WDR26: variants seen among roughly 807,000 people sequenced by gnomAD.
WDR26 encodes the protein WD repeat domain 26, also known as WD repeat-containing protein 26.
In WDR26, 5 loss-of-function variants were observed where a neutral mutation model predicts 84.1. That is an observed-to-expected ratio of 0.06 (90% CI 0.03 to 0.13). The LOEUF (loss-of-function observed/expected upper bound fraction) is 0.13. Among genes scored for constraint, WDR26 ranks in the 10% least tolerant of loss-of-function variants. WDR26 has a pLI of 1.00. For synonymous variants in WDR26, 415 were observed against 389.6 expected, an observed-to-expected ratio of 1.07 and a Z score of -0.77; for missense variants, 642 against 974.9, an observed-to-expected ratio of 0.66 and a Z score of 4.55.
chr1:224,400,921 A>G (rs766662299), intron 9 of WDR26, 29 bp downstream of exon 9: 1 of 1,605,774 alleles, frequency 6.2e-7, no homozygotes, highest in Non-Finnish European at 8.5e-7. Flanking sequence ...AAACCAACAG[A>G]TACTGGGAAG....
intron 3 of WDR26, chr1:224,430,177 A>T (rs1235935773): frequency 3.3e-5 from 5 of 152,194 alleles, no homozygotes; most frequent in Admixed American, 1.3e-4. Context: ...CCAACTGAGG[A>T]AACTTTAGTT....
intron 13 of WDR26, among the ~76,000 whole-genome samples, chr1:224,390,276 T>C (rs1673088211): frequency 5.9e-5 from 9 of 152,176 alleles, no homozygotes; most frequent in Admixed American, 5.9e-4. Flanking sequence ...CATGCCACCA[T>C]GCCTGGCTAC....
chr1:224,394,841 G>C (rs2102887619), intron 12 of WDR26, among the ~76,000 whole-genome samples: 1 of 152,222 alleles, frequency 6.6e-6, no homozygotes. Flanking sequence ...TGGTTAAGTG[G>C]TCTGCTTATG....
rs745414855 is a variant in WDR26 at position 224,385,722 on chromosome 1, C to T, written c.*4113G>A. On this transcript the variant is annotated 3_prime_UTR_variant, in exon 14 of 14. Transcript: ENST00000414423. ...GCCACACACACACATTTTCAAGGAG[C>T]CAATAACATTTTTTTCCATCTGTGC... The T allele has an allele frequency of 6.6e-6, 1 of 152,410 alleles. No homozygotes were observed. The highest frequency in any genetic ancestry group is 1.5e-5 in the Non-Finnish European group (1 of 68,002). The allele number at this position is 152,410 out of a possible 1,614,324, so 9.4% of individuals were successfully genotyped here.
intron 6 of WDR26, among the ~76,000 whole-genome samples, chr1:224,418,031 T>C (rs963241042): frequency 1.8e-4 from 27 of 152,186 alleles, no homozygotes; most frequent in Non-Finnish European, 2.9e-4. Flanking sequence ...ACCAAACCTA[T>C]AGATAACGAA....
intron 12 of WDR26, among the ~76,000 whole-genome samples, chr1:224,396,968 T>C (rs141078083): frequency 1.5e-3 from 221 of 152,326 alleles, no homozygotes; most frequent in African/African-American, 4.9e-3. Context: ...AATCTCTAAA[T>C]GTCTCTCTTT....
Position 224,431,515 on chromosome 1 carries a change from C to A in WDR26, c.889G>T (p.Ala297Ser), listed in dbSNP as rs183553993. ...AACAACGTTTGAGAGATTTCAAGTGCGCCTCTTACCACAATAGCATGAGGA... is the reference window on the plus strand; with the variant it reads ...AACAACGTTTGAGAGATTTCAAGTGAGCCTCTTACCACAATAGCATGAGGA... Residue 297 changes from alanine (A) to serine (S), a missense_variant, in exon 3 of 14, where the codon GCA (alanine) becomes TCA (serine). Transcript: ENST00000414423. The A allele has an allele frequency of 6.2e-7, 1 of 1,613,928 alleles. No homozygotes were observed. The highest frequency in any genetic ancestry group is 8.5e-7 in the Non-Finnish European group (1 of 1,179,990).
rs1382884065 is a variant in WDR26, at chr1:224,431,575, T to C, written c.829A>G (p.Asn277Asp). Residue 277 changes from asparagine to aspartate, a missense_variant, in exon 3 of 14, where the codon AAT (asparagine) becomes GAT (aspartate). This residue lies in a region of WDR26 where 351 missense variants were observed against 672.8 expected (regional missense o/e 0.52). Coordinates refer to ENST00000414423, the MANE Select transcript of WDR26 (RefSeq NM_001379403.1). Reference sequence around the variant, plus strand: ...AAAGGCTTTAGTTCATTCAGGTCATTTTCTGCCTGTAAAAATTGGTATAAA... The same window carrying C: ...AAAGGCTTTAGTTCATTCAGGTCATCTTCTGCCTGTAAAAATTGGTATAAA... 1 of 1,613,194 alleles carries C rather than the reference T, an allele frequency of 6.2e-7. No homozygotes were observed. Among genetic ancestry groups the C allele is most frequent in the Admixed American group, 1.7e-5 (1 of 59,894 alleles).
chr1:224,419,723 A>G (rs1674002931), intron 4 of WDR26, 108 bp from the exon 5 acceptor site: 1 of 797,392 alleles, frequency 1.3e-6, no homozygotes, highest in East Asian at 2.6e-5. Flanking sequence ...AATACATGTC[A>G]AGAAATTTCT....
rs558815072 is a variant in WDR26, at chr1:224,388,350, C to A, written c.*1485G>T. The A allele has an allele frequency of 2.2e-4, 34 of 152,320 alleles. No individual in the cohort carries two copies. Among genetic ancestry groups the A allele is most frequent in the African/African-American group, 7.7e-4 (32 of 41,580 alleles). The allele number at this position is 152,320 out of a possible 1,614,324, so 9.4% of individuals were successfully genotyped here. On this transcript the variant is annotated 3_prime_UTR_variant, in exon 14 of 14. Coordinates refer to ENST00000414423, the MANE Select transcript of WDR26 (RefSeq NM_001379403.1). ...CCATTCTCATTCCAACAGCTGGAGTCACCCTATTTATCCTCTACTGAAAAA... is the reference window on the plus strand; with the variant it reads ...CCATTCTCATTCCAACAGCTGGAGTAACCCTATTTATCCTCTACTGAAAAA...
chr1:224,404,524 T>C lies in WDR26; in HGVS notation c.1505A>G (p.Tyr502Cys). ...ACTCCATGCAATATAAGAAACGCCA[T>C]AAGCATGTCCTTCTAATGTTTTAAG... Residue 502 changes from tyrosine (Y) to cysteine (C), a missense_variant, in exon 8 of 14, where the codon TAT becomes TGT. Tyr to Cys is a radical substitution (Grantham distance 194). Around this residue, in one of 2 missense-constraint regions of WDR26, gnomAD observed 351 missense variants for 672.8 expected, o/e 0.52. Transcript: ENST00000414423. 6.2e-7 allele frequency: 1 copy of C among 1,613,984 alleles called. No homozygotes were observed. Among genetic ancestry groups the C allele is most frequent in the Admixed American group, 1.7e-5 (1 of 60,004 alleles).
intron 1 of WDR26, among the ~76,000 whole-genome samples, chr1:224,433,445 T>G (rs533936469): frequency 2.6e-5 from 4 of 152,248 alleles, no homozygotes; most frequent in African/African-American, 9.6e-5. Context: ...CCTCAACGCC[T>G]GTCTCGTCTC....
Position 224,418,329 on chromosome 1 carries a change from A to G in WDR26, c.1250T>C (p.Leu417Pro). 2.5e-6 allele frequency: 4 copies of G among 1,613,714 alleles called. No individual in the cohort carries two copies. The highest frequency in any genetic ancestry group is 3.4e-6 in the Non-Finnish European group (4 of 1,179,728). Residue 417 changes from leucine (L) to proline (P), a missense_variant, in exon 6 of 14, where the codon CTA becomes CCA. By Grantham distance (98) the Leu-to-Pro change is moderately conservative. Transcript: ENST00000414423. ...ATTATCAAGTTTGGTATTGTGATATAGGCACCGATCCCTTTGTAGTTCCAC... is the reference window on the plus strand; with the variant it reads ...ATTATCAAGTTTGGTATTGTGATATGGGCACCGATCCCTTTGTAGTTCCAC...
chr1:224,403,341 C>T lies in WDR26; in HGVS notation c.1599+1089G>A, dbSNP rs1016111297. 2.6e-5 allele frequency among the ~76,000 whole-genome samples: 4 copies of T among 152,136 alleles called. No homozygotes were observed. The East Asian group carries it at 5.8e-4, about 22-fold the overall frequency. On this transcript the variant is annotated intron_variant, in intron 8 of 13. Transcript: ENST00000414423. ...CTGGGATTATAGGCGTGAGCCACCG[C>T]GCCCGGCCACAAATGCATGTTTCTA...
At chr1:224,411,975 C>T (rs1673753199) in intron 6 of WDR26, among the ~76,000 whole-genome samples, 1 of 152,038 alleles carries the variant, frequency 6.6e-6, no homozygotes. Context: ...GCACTCCAGC[C>T]TGGGTGATGG....
chr1:224,392,925 G>T (rs1572154619), intron 13 of WDR26, among the ~76,000 whole-genome samples: 1 of 151,832 alleles, frequency 6.6e-6, no homozygotes, highest in African/African-American at 2.4e-5. Flanking sequence ...AAATTTAGGT[G>T]GGACATGCTT....
intron 7 of WDR26, among the ~76,000 whole-genome samples, chr1:224,408,229 C>T (rs147600714): frequency 5.4e-4 from 82 of 152,336 alleles, no homozygotes; most frequent in South Asian, 1.0e-3. Context: ...AAGGGCCTAT[C>T]CTAACTAGTT....
intron 6 of WDR26, among the ~76,000 whole-genome samples, chr1:224,415,446 TTTCTTTC>T (rs1673867267): frequency 7.5e-6 from 1 of 133,026 alleles, no homozygotes; most frequent in Non-Finnish European, 1.5e-5. Flanking sequence ...GGAACACGTA[TTTCTTTC>T]TTTTTTTTTT....
At chr1:224,404,663 G>C in intron 7 of WDR26, 93 bp from the exon 8 acceptor site, 1 of 1,447,296 alleles carries the variant, frequency 6.9e-7, no homozygotes, top group Non-Finnish European at 9.2e-7. Flanking sequence ...GATGTACTTT[G>C]ATAATTTAAT....
Sources: gnomAD v4.1 joint callset for allele counts (sites outside exome capture counted in the v4.1 genomes callset) on GRCh38, gnomAD v4.1.1 for gene constraint, gnomAD v4.1.1 regional missense constraint, MANE v1.5 for transcripts, NCBI Gene and HGNC (gene_info 2026-07-23, HGNC 2026-07-21) for gene names.